SLC25A48: variants seen among roughly 807,000 people sequenced by gnomAD.
The protein encoded by SLC25A48 is CTC-321K16.1.
SLC25A48 carries 29 observed loss-of-function variants against 32.2 expected under a neutral mutation model. The observed-to-expected ratio is 0.90, with a 90% CI of 0.67 to 1.23. The LOEUF is 1.23. Ranked by LOEUF, SLC25A48 falls within the 50% of genes most tolerant of loss-of-function variation. The pLI, the probability that SLC25A48 is intolerant of heterozygous loss-of-function variation, is 0.00. For missense variants in SLC25A48, 399 were observed against 422.7 expected (o/e 0.94, Z 0.49); for synonymous variants, 164 against 172.3 (o/e 0.95, Z 0.38).
At chr5:135,800,515 G>T (rs1757294317) in intron 3 of SLC25A48, among the ~76,000 whole-genome samples, 1 of 151,882 alleles carries the variant, frequency 6.6e-6, no homozygotes, top group Admixed American at 6.6e-5. Flanking sequence ...CAACATCGCA[G>T]GGGGTGTACA....
intron 3 of SLC25A48, among the ~76,000 whole-genome samples, chr5:135,811,789 A>G (rs1372267024): frequency 6.6e-6 from 1 of 152,214 alleles, no homozygotes; most frequent in Non-Finnish European, 1.5e-5. Flanking sequence ...CTGTTTAAAT[A>G]TGAGTATTTA....
chr5:135,880,265 G>C (rs1306683114), intron 7 of SLC25A48, 168 bp downstream of exon 7: 19 of 999,726 alleles, frequency 1.9e-5, no homozygotes, highest in Non-Finnish European at 2.4e-5. Flanking sequence ...CAGCAGTTCA[G>C]AAATGCCCAC....
rs77287881 is a variant in SLC25A48, at chr5:135,817,884, A to G, written c.-117+4958A>G. Reference sequence around the variant, plus strand: ...CATAGCATGATAGCCTAAGCTCACTATGGCCCATTTTCCCACTTACTATAC... The same window carrying G: ...CATAGCATGATAGCCTAAGCTCACTGTGGCCCATTTTCCCACTTACTATAC... On this transcript the variant is annotated intron_variant, in intron 4 of 10. Coordinates refer to the SLC25A48 transcript ENST00000646290. Among the ~76,000 whole-genome samples the G allele has an allele frequency of 1.0e-3, 152 of 152,284 alleles. 4 individuals carry two copies. In the East Asian group the frequency reaches 0.027, roughly 27 times the overall value.
intron 1 of SLC25A48, among the ~76,000 whole-genome samples, chr5:135,838,722 T>G (rs1341432973): frequency 6.6e-6 from 1 of 152,254 alleles, no homozygotes; most frequent in Non-Finnish European, 1.5e-5. Flanking sequence ...CTTGGCAGCT[T>G]ACACATGGTG....
chr5:135,844,911 C>A (rs558449502), intron 2 of SLC25A48, among the ~76,000 whole-genome samples: 36 of 152,240 alleles, frequency 2.4e-4, no homozygotes, highest in African/African-American at 7.9e-4. Flanking sequence ...AGGAAAAGGG[C>A]TGTTGTTTCT....
At chr5:135,810,683 T>C (rs541725052) in intron 3 of SLC25A48, among the ~76,000 whole-genome samples, 1 of 152,318 alleles carries the variant, frequency 6.6e-6, no homozygotes, top group Admixed American at 6.5e-5. Flanking sequence ...TTTCGTATTT[T>C]ATATTGCAAG....
intron 3 of SLC25A48, among the ~76,000 whole-genome samples, chr5:135,681,503 T>C (rs1275687569): frequency 6.6e-6 from 1 of 152,234 alleles, no homozygotes; most frequent in Non-Finnish European, 1.5e-5. Flanking sequence ...ACCTTTTAAA[T>C]GTTCTTGTTT....
intron 1 of SLC25A48, among the ~76,000 whole-genome samples, chr5:135,597,629 C>A (rs762925831): frequency 1.3e-5 from 2 of 152,196 alleles, no homozygotes; most frequent in Non-Finnish European, 2.9e-5. Context: ...GTGAGTGCAT[C>A]CAATTGGTGG....
rs145801009 is a variant in SLC25A48, at chr5:135,857,966, G to A, written c.421+5145G>A. Among the ~76,000 whole-genome samples the A allele has an allele frequency of 3.6e-3, 546 of 152,292 alleles. 3 individuals are homozygous for A. The highest frequency in any genetic ancestry group is 5.8e-3 in the Non-Finnish European group (394 of 68,010). On this transcript the variant is annotated intron_variant, in intron 4 of 7. Transcript: ENST00000681962. ...TTAAAGGGCCCTGTCTTTTGGGTAA[G>A]CCTCTGAGCAGTGAGAACACAGGGA... is the stretch of plus-strand genomic sequence containing the variant.
chr5:135,838,317 A>G lies in SLC25A48; in HGVS notation c.46+3424A>G, dbSNP rs189915481. Among the ~76,000 whole-genome samples the G allele has an allele frequency of 1.3e-3, 199 of 152,336 alleles. 1 individual carries two copies. Among genetic ancestry groups the G allele is most frequent in the African/African-American group, 4.3e-3 (178 of 41,586 alleles). On this transcript the variant is annotated intron_variant, in intron 1 of 7. Coordinates refer to ENST00000681962, the MANE Select transcript of SLC25A48 (RefSeq NM_001349336.2). Reference sequence around the variant, plus strand: ...TTCAGTTTTATGTATTCACAAAGATATGGTTTGGAATTGGAACTTATGTTT... The same window carrying G: ...TTCAGTTTTATGTATTCACAAAGATGTGGTTTGGAATTGGAACTTATGTTT...
At chr5:135,876,128 C>CTTTTTTTT (rs1402681382) in intron 6 of SLC25A48, 24 of 47,862 alleles carry the variant, frequency 5.0e-4, no homozygotes, top group East Asian at 1.2e-3. Context: ...TTTTTTTCTT[C>CTTTTTTTT]TTCTTTTTTT....
At chr5:135,634,656 TG>T (rs1471804285) in intron 2 of SLC25A48, 1 of 152,234 alleles carries the variant, frequency 6.6e-6, no homozygotes, top group Non-Finnish European at 1.5e-5. Context: ...TTGACACCTG[TG>T]TTTAGAAAGG....
chr5:135,855,309 G>A (rs970905879), intron 4 of SLC25A48, among the ~76,000 whole-genome samples: 4 of 152,190 alleles, frequency 2.6e-5, no homozygotes, highest in African/African-American at 9.7e-5. Context: ...GTGAAATGAA[G>A]TGAAGTACAA....
At chr5:135,740,618 A>G (rs1349514000) in intron 3 of SLC25A48, among the ~76,000 whole-genome samples, 1 of 152,160 alleles carries the variant, frequency 6.6e-6, no homozygotes, top group African/African-American at 2.4e-5. Context: ...GAACACTGAA[A>G]ACAGCCTCCT....
At chr5:135,683,992 CT>C (rs1344849489) in intron 3 of SLC25A48, among the ~76,000 whole-genome samples, 2 of 152,178 alleles carry the variant, frequency 1.3e-5, no homozygotes, top group Admixed American at 6.5e-5. Flanking sequence ...AGACTTCATG[CT>C]GAATGCTGGT....
intron 7 of SLC25A48, among the ~76,000 whole-genome samples, chr5:135,881,258 T>C (rs1762452962): frequency 6.6e-6 from 1 of 152,212 alleles, no homozygotes; most frequent in African/African-American, 2.4e-5. Context: ...TAGCACAAAT[T>C]CTCCTGGGAA....
intron 3 of SLC25A48, among the ~76,000 whole-genome samples, chr5:135,709,414 G>A (rs1040242444): frequency 7.2e-5 from 11 of 152,232 alleles, no homozygotes; most frequent in African/African-American, 2.7e-4. Flanking sequence ...TTAACCCACG[G>A]GTCCTGGCTT....
intron 1 of SLC25A48, among the ~76,000 whole-genome samples, chr5:135,619,695 C>G (rs13171268): frequency 0.38 from 57,934 of 151,900 alleles, 11,064 homozygotes; most frequent in African/African-American, 0.42. Context: ...CATTGGGTAG[C>G]GTACTTTGGC....
At chr5:135,739,556 G>A (rs1755453660) in intron 3 of SLC25A48, among the ~76,000 whole-genome samples, 1 of 152,216 alleles carries the variant, frequency 6.6e-6, no homozygotes, top group Non-Finnish European at 1.5e-5. Flanking sequence ...AACAGGGAAT[G>A]GCCTTGCATA....
Sources: gnomAD v4.1 joint callset for allele counts (sites outside exome capture counted in the v4.1 genomes callset) on GRCh38, gnomAD v4.1.1 for gene constraint, MANE v1.5 for transcripts, NCBI Gene and HGNC (gene_info 2026-07-23, HGNC 2026-07-21) for gene names.